MORC4: variants seen among roughly 807,000 people sequenced by gnomAD.
The protein encoded by MORC4 is MORC family CW-type zinc finger protein 4.
In MORC4, 22 loss-of-function variants were observed where a neutral mutation model predicts 65.5. The observed-to-expected ratio is 0.34, with a 90% CI of 0.24 to 0.48. The LOEUF is 0.48. MORC4 is among the 20% of genes least tolerant of loss of function. The pLI is 0.99. For synonymous variants in MORC4, 267 were observed against 255.8 expected (o/e 1.04, Z -0.42); for missense variants, 624 against 703.0 (o/e 0.89, Z 1.27).
In MORC4 at chrX:106,956,489, C is replaced by T; in HGVS notation, c.1500G>A (p.Glu500=). ...GTGCACTGCCTCTCACCTGGTGGTT[C>T]TCATTTTCCATAGGCATCTTCTTCT... ...EEKKKMPMEN[E]NHQVFSNPPK... The change falls in exon 13 of 17, where the codon GAG becomes GAA. Residue 500 remains glutamate, a synonymous_variant. Coordinates refer to ENST00000355610, the MANE Select transcript of MORC4 (RefSeq NM_024657.5). 2 of 1,206,657 alleles carry T rather than the reference C, an allele frequency of 1.7e-6. No individual in the cohort carries two copies.
chrX:106,967,633 G>C (rs1396919733), intron 9 of MORC4, among the ~76,000 whole-genome samples: 1 of 112,168 alleles, frequency 8.9e-6, no homozygotes, highest in African/African-American at 3.2e-5. Context: ...TGACCTGATA[G>C]AGCTAAAAAC....
intron 14 of MORC4, among the ~76,000 whole-genome samples, chrX:106,953,897 G>C (rs139076066): frequency 0.011 from 1,203 of 112,320 alleles, 39 homozygotes; most frequent in Admixed American, 0.086. Context: ...GCCAAGGCGG[G>C]TGAATCACCT....
intron 3 of MORC4, 80 bp from the exon 4 acceptor site, chrX:106,986,280 G>T: frequency 1.4e-6 from 1 of 738,636 alleles, no homozygotes; most frequent in Non-Finnish European, 2.0e-6. Context: ...GTGACAGGCA[G>T]AATATTTGGC....
intron 3 of MORC4, among the ~76,000 whole-genome samples, chrX:106,990,892 T>TA (rs910439969): frequency 1.2e-4 from 13 of 108,555 alleles, no homozygotes; most frequent in East Asian, 2.9e-4. Flanking sequence ...TTTTTTTAAT[T>TA]AAAAAAAAAG....
At chrX:106,963,889 C>A (rs58874617) in intron 9 of MORC4, among the ~76,000 whole-genome samples, 37,286 of 103,923 alleles carry the variant, frequency 0.36, 5,348 homozygotes, top group East Asian at 0.68. Context: ...ACAACAACAA[C>A]AACAAAAAAA....
intron 7 of MORC4, 139 bp downstream of exon 7, chrX:106,980,752 G>T: frequency 2.1e-6 from 1 of 483,830 alleles, no homozygotes; most frequent in Non-Finnish European, 3.4e-6. Context: ...CTTCCTCAGA[G>T]TACACTGTAA....
intron 9 of MORC4, among the ~76,000 whole-genome samples, chrX:106,964,015 G>A (rs773694605): frequency 1.4e-4 from 15 of 110,379 alleles, no homozygotes; most frequent in South Asian, 1.2e-3. Context: ...AAGACAGGGC[G>A]GCCCACTCAA....
intron 3 of MORC4, among the ~76,000 whole-genome samples, chrX:106,986,509 G>A (rs372815359): frequency 9.0e-6 from 1 of 111,676 alleles, no homozygotes; most frequent in East Asian, 2.8e-4. Flanking sequence ...AGCTGGAGAA[G>A]GCCTTGGGCA....
chrX:106,998,762 C>T (rs1041230111), intron 2 of MORC4, among the ~76,000 whole-genome samples: 4 of 112,245 alleles, frequency 3.6e-5, no homozygotes, highest in Non-Finnish European at 7.5e-5. Context: ...TCTTATCACC[C>T]TTCCAAGTAA....
intron 2 of MORC4, among the ~76,000 whole-genome samples, chrX:106,998,809 C>T (rs932908007): frequency 8.9e-6 from 1 of 112,604 alleles, no homozygotes; most frequent in African/African-American, 3.2e-5. Flanking sequence ...CCCAAGATAA[C>T]TCTCATGGCA....
Position 106,981,331 on chromosome X carries a change from C to G in MORC4, c.807+14G>C. The G allele has an allele frequency of 8.5e-7, 1 of 1,178,015 alleles. No individual in the cohort carries two copies. Among genetic ancestry groups the G allele is most frequent in the Non-Finnish European group, 1.1e-6 (1 of 881,597 alleles). On this transcript the variant is annotated intron_variant, in intron 6 of 16. Coordinates refer to ENST00000355610, the MANE Select transcript of MORC4 (RefSeq NM_024657.5). ...AATCTTACCTCTCATTGTTGAAAAA[C>G]CATTCTTACTTACCCTTAAAGAATA...
At chrX:106,989,128 G>C (rs1442723321) in intron 3 of MORC4, among the ~76,000 whole-genome samples, 1 of 112,063 alleles carries the variant, frequency 8.9e-6, no homozygotes, top group Non-Finnish European at 1.9e-5. Context: ...TTATTCTCCA[G>C]CTATTGTTTT....
chrX:106,980,537 T>C (rs1354302939), intron 7 of MORC4, among the ~76,000 whole-genome samples: 1 of 111,800 alleles, frequency 8.9e-6, no homozygotes, highest in Non-Finnish European at 1.9e-5. Flanking sequence ...TAATGTGTAT[T>C]ATTCCTTATA....
At chrX:106,996,388 A>G (rs1174553774) in intron 2 of MORC4, among the ~76,000 whole-genome samples, 1 of 109,584 alleles carries the variant, frequency 9.1e-6, no homozygotes, top group Non-Finnish European at 1.9e-5. Context: ...GGCACCAGCA[A>G]GCACGGTTTT....
chrX:106,944,892 CCCCTT>C (rs1415798055), intron 14 of MORC4, among the ~76,000 whole-genome samples: 1 of 111,613 alleles, frequency 9.0e-6, no homozygotes, highest in Non-Finnish European at 1.9e-5. Context: ...TCTCCAGTCT[CCCCTT>C]CTCTTACCTC....
chrX:106,998,324 T>G (rs1245803905), intron 2 of MORC4, among the ~76,000 whole-genome samples: 1 of 112,239 alleles, frequency 8.9e-6, no homozygotes, highest in Non-Finnish European at 1.9e-5. Context: ...ACTGGACGTC[T>G]TAGATCCGGC....
At chrX:106,964,953 A>C (rs1456492477) in intron 9 of MORC4, among the ~76,000 whole-genome samples, 2 of 109,124 alleles carry the variant, frequency 1.8e-5, no homozygotes, top group Non-Finnish European at 3.8e-5. Flanking sequence ...GGTTGTAGTG[A>C]GCCAAGATGG....
In MORC4 at chrX:106,942,602, C is replaced by T. The variant is rs751481200; in HGVS notation, c.2289G>A (p.Leu763=). The part of the protein sequence containing the change: ...EESEGHNTPK[L]KNQRELEELK... ...ATTCTTCCAGCTCTCTCTGGTTCTT[C>T]AACTTTGGTGTATTATGACCTTCGC... The change falls in exon 15 of 17, where the codon TTG becomes TTA. Residue 763 remains leucine, a synonymous_variant. Transcript: ENST00000355610. 5 of 1,209,675 alleles carry T rather than the reference C, an allele frequency of 4.1e-6. No homozygotes were observed. In the Admixed American group the frequency reaches 1.1e-4, roughly 26 times the overall value.
rs1933700283 is a variant in MORC4, at chrX:106,942,057, T to C, written c.2541A>G (p.Glu847=). 8.3e-7 allele frequency: 1 copy of C among 1,209,835 alleles called. No homozygotes were observed. Among genetic ancestry groups the C allele is most frequent in the Admixed American group, 2.2e-5 (1 of 45,757 alleles). Residue 847 remains glutamate (E), a synonymous_variant, in exon 16 of 17, where the codon GAA becomes GAG. Coordinates refer to ENST00000355610, the MANE Select transcript of MORC4 (RefSeq NM_024657.5). ...AEFQILKAEL[E]RTKEEKQELK... is the part of the protein sequence containing the mutation. ...ACTCTTGCTTTTCCTCTTTGGTTCTTTCCAGCTCAGCTTTCAGAATCTGGA... is the reference window on the plus strand; with the variant it reads ...ACTCTTGCTTTTCCTCTTTGGTTCTCTCCAGCTCAGCTTTCAGAATCTGGA...
Sources: allele counts gnomAD v4.1 joint callset (sites outside exome capture counted in the v4.1 genomes callset), GRCh38; gene constraint gnomAD v4.1.1; transcripts MANE v1.5; gene names NCBI Gene and HGNC (gene_info 2026-07-23, HGNC 2026-07-21).